Variants in ST6GAL2 observed in about 807,000 individuals in gnomAD.
The protein encoded by ST6GAL2 is ST6 beta-galactoside alpha-2,6-sialyltransferase 2, also known as beta-galactoside alpha-2,6-sialyltransferase 2.
In ST6GAL2, 24 loss-of-function variants were observed where a neutral mutation model predicts 37.5. That is an observed-to-expected ratio of 0.64 (90% confidence interval 0.46 to 0.90). The LOEUF (loss-of-function observed/expected upper bound fraction) is 0.90, where lower values mean the gene tolerates loss of function less well. ST6GAL2 is among the 40% of genes least tolerant of loss of function. The pLI is 0.00. For synonymous variants in ST6GAL2, 306 were observed against 295.1 expected (o/e 1.04, Z -0.38); for missense variants, 715 against 712.7 (o/e 1.00, Z -0.04).
intron 1 of ST6GAL2, among the ~76,000 whole-genome samples, chr2:106,882,293 G>T (rs1001301385): frequency 1.3e-5 from 2 of 152,126 alleles, no homozygotes; most frequent in African/African-American, 4.8e-5. Context: ...CTCTGTTGAG[G>T]GGATCTCAGT....
At position 106,864,955 on chromosome 2, in the gene ST6GAL2, G is replaced by A. The variant is rs1293556014; in HGVS notation, c.-57-20921C>T. 3.3e-5 allele frequency among the ~76,000 whole-genome samples: 5 copies of A among 152,232 alleles called. 1 individual carries two copies. The South Asian group carries it at 8.3e-4, about 25-fold the overall frequency. On this transcript the variant is annotated intron_variant, in intron 1 of 5. Transcript: ENST00000409382. ...GGAGGGGGAGTGGAGGAAGAACCCT[G>A]ATTGTTAGTGTTTGCCCATTCTATG...
rs764065571 is a variant in ST6GAL2 at position 106,812,671 on chromosome 2, C to T, written c.1319-5722G>A. 6.6e-5 allele frequency among the ~76,000 whole-genome samples: 10 copies of T among 152,068 alleles called. No individual in the cohort carries two copies. The South Asian group carries it at 8.3e-4, about 13-fold the overall frequency. ...AGCTGGCGGTGTTGTCTTTTCTGCC[C>T]GGATACCATATATGCACAAATTCAA... On this transcript the variant is annotated intron_variant, in intron 5 of 5. Transcript: ENST00000409382.
At chr2:106,887,038 GGCAGGAAT>G (rs1345504250), upstream of ST6GAL2, 6 of 152,640 alleles carry the variant, frequency 3.9e-5, no homozygotes, top group African/African-American at 1.4e-4. Context: ...CCCGGGCGGC[GGCAGGAAT>G]GCAGGAATGC....
intron 1 of ST6GAL2, among the ~76,000 whole-genome samples, chr2:106,874,640 T>G (rs183810854): frequency 1.8e-4 from 27 of 152,322 alleles, no homozygotes; most frequent in Admixed American, 1.7e-3. Context: ...AATGCTCTGT[T>G]AGCTATAAGC....
chr2:106,818,017 C>CTCTT (rs921739658), intron 5 of ST6GAL2, among the ~76,000 whole-genome samples: 39 of 152,264 alleles, frequency 2.6e-4, no homozygotes, highest in African/African-American at 8.9e-4. Flanking sequence ...GTGGGGAGGA[C>CTCTT]TCTGTCTTGT....
chr2:106,839,331 T>G (rs2104502023), intron 2 of ST6GAL2, among the ~76,000 whole-genome samples: 1 of 152,202 alleles, frequency 6.6e-6, no homozygotes, highest in Non-Finnish European at 1.5e-5. Context: ...TACCAATCTC[T>G]TCTCTCTACC....
intron 2 of ST6GAL2, among the ~76,000 whole-genome samples, chr2:106,842,386 G>T (rs942357219): frequency 1.3e-5 from 2 of 152,208 alleles, no homozygotes; most frequent in African/African-American, 4.8e-5. Context: ...CTTGGAGAAG[G>T]TCCCTGGTAG....
chr2:106,827,872 T>C (rs778624158), intron 5 of ST6GAL2, among the ~76,000 whole-genome samples: 11 of 152,184 alleles, frequency 7.2e-5, no homozygotes, highest in Admixed American at 2.0e-4. Context: ...TTCTCATCTG[T>C]GGATATTCAG....
chr2:106,808,641 C>G (rs923456112), intron 5 of ST6GAL2, among the ~76,000 whole-genome samples: 1 of 152,064 alleles, frequency 6.6e-6, no homozygotes, highest in Non-Finnish European at 1.5e-5. Flanking sequence ...CCCAGATGCT[C>G]GAAATGTCTG....
intron 5 of ST6GAL2, among the ~76,000 whole-genome samples, chr2:106,810,954 A>AAAATAAATAAAT (rs57102776): frequency 0.17 from 25,989 of 151,396 alleles, 2,887 homozygotes; most frequent in East Asian, 0.49. Flanking sequence ...GCATCCTGTC[A>AAAATAAATAAAT]AAATAAATAA....
chr2:106,855,564 C>A (rs541071943), intron 1 of ST6GAL2, among the ~76,000 whole-genome samples: 1 of 152,128 alleles, frequency 6.6e-6, no homozygotes, highest in South Asian at 2.1e-4. Flanking sequence ...AGAGGGGATG[C>A]CTGCTTCATT....
chr2:106,820,832 A>T (rs1675976139), intron 5 of ST6GAL2, among the ~76,000 whole-genome samples: 1 of 152,110 alleles, frequency 6.6e-6, no homozygotes, highest in Non-Finnish European at 1.5e-5. Context: ...GAATTTTGGA[A>T]TTAAAAAGAT....
chr2:106,823,503 A>AAC (rs1265063395), intron 5 of ST6GAL2, among the ~76,000 whole-genome samples: 2 of 114,414 alleles, frequency 1.7e-5, no homozygotes, highest in Non-Finnish European at 4.1e-5. Flanking sequence ...AGAGAGAGAG[A>AAC]GATCGAGAGA....
At chr2:106,833,828 T>G (rs1168605973) in intron 3 of ST6GAL2, among the ~76,000 whole-genome samples, 1 of 152,198 alleles carries the variant, frequency 6.6e-6, no homozygotes, top group Non-Finnish European at 1.5e-5. Context: ...TCCTTTTAAT[T>G]TTATTCATTT....
intron 1 of ST6GAL2, among the ~76,000 whole-genome samples, chr2:106,884,932 T>TATATATATATATATATAC: frequency 8.7e-6 from 1 of 115,438 alleles, no homozygotes; most frequent in Non-Finnish European, 1.7e-5. Flanking sequence ...TATATATATA[T>TATATATATATATATATAC]ATACATACAC....
chr2:106,864,458 T>C (rs1034424012), intron 1 of ST6GAL2, among the ~76,000 whole-genome samples: 6 of 152,248 alleles, frequency 3.9e-5, no homozygotes, highest in Admixed American at 1.3e-4. Flanking sequence ...GAATTCATTA[T>C]ACTCACAAAA....
intron 5 of ST6GAL2, among the ~76,000 whole-genome samples, chr2:106,813,672 T>C (rs1027685128): frequency 6.6e-6 from 1 of 152,190 alleles, no homozygotes; most frequent in Non-Finnish European, 1.5e-5. Context: ...AAAAACAAAA[T>C]TTTCTCCTTG....
intron 1 of ST6GAL2, among the ~76,000 whole-genome samples, chr2:106,874,548 C>A (rs780797332): frequency 6.6e-6 from 1 of 152,102 alleles, no homozygotes; most frequent in Non-Finnish European, 1.5e-5. Flanking sequence ...GGAAGGAGGA[C>A]TCTTGGCCAA....
chr2:106,856,357 A>G (rs1210889435), intron 1 of ST6GAL2, among the ~76,000 whole-genome samples: 1 of 152,164 alleles, frequency 6.6e-6, no homozygotes, highest in African/African-American at 2.4e-5. Flanking sequence ...AGGAGTCCCC[A>G]GTCCACTGAG....
Sources: gnomAD v4.1 joint callset for allele counts (sites outside exome capture counted in the v4.1 genomes callset) on GRCh38, gnomAD v4.1.1 for gene constraint, MANE v1.5 for transcripts, NCBI Gene and HGNC (gene_info 2026-07-23, HGNC 2026-07-21) for gene names.